RHBDF2: variants seen among roughly 807,000 people sequenced by gnomAD.
RHBDF2 encodes inactive rhomboid protein 2.
In RHBDF2, 38 loss-of-function variants were observed where a neutral mutation model predicts 95.2. That is an observed-to-expected ratio of 0.40 (90% confidence interval 0.31 to 0.52). The LOEUF is 0.52. Among genes scored for constraint, RHBDF2 ranks in the 20% least tolerant of loss-of-function variants. The probability of loss-of-function intolerance (pLI) is 0.56; values close to 1 mark genes in which losing one functional copy is unlikely to be tolerated. For synonymous variants in RHBDF2, 442 were observed against 462.0 expected (o/e 0.96, Z 0.55); for missense variants, 863 against 1,137.7 (o/e 0.76, Z 3.47).
chr17:76,490,830 T>C (rs2074277433), intron 1 of RHBDF2, among the ~76,000 whole-genome samples: 1 of 152,146 alleles, frequency 6.6e-6, no homozygotes, highest in African/African-American at 2.4e-5. Flanking sequence ...CAAGCCCTAC[T>C]AGGAAAGTAA....
intron 1 of RHBDF2, among the ~76,000 whole-genome samples, chr17:76,495,262 G>T (rs1208702245): frequency 6.6e-6 from 1 of 152,228 alleles, no homozygotes; most frequent in African/African-American, 2.4e-5. Flanking sequence ...CCTGCTGGAG[G>T]CTCCTTGACA....
intron 1 of RHBDF2, among the ~76,000 whole-genome samples, chr17:76,496,431 T>C (rs1373312099): frequency 1.3e-5 from 2 of 152,212 alleles, no homozygotes; most frequent in Non-Finnish European, 2.9e-5. Context: ...CTCCACACTC[T>C]GCAGCCTCTT....
chr17:76,489,682 C>T (rs558648461), intron 1 of RHBDF2, among the ~76,000 whole-genome samples: 86 of 131,886 alleles, frequency 6.5e-4, no homozygotes, highest in Non-Finnish European at 1.1e-3. Flanking sequence ...CCCAAGATGC[C>T]GGAAGCCCTC....
At chr17:76,477,888 C>A in intron 6 of RHBDF2, 103 bp from the exon 7 acceptor site, 1 of 1,507,622 alleles carries the variant, frequency 6.6e-7, no homozygotes, top group Non-Finnish European at 8.9e-7. Context: ...CTGCAGGCAG[C>A]GCCTTGGGAG....
Position 76,479,099 on chromosome 17 carries a change from G to T in RHBDF2, c.451C>A (p.Pro151Thr), listed in dbSNP as rs943608386. The change falls in exon 5 of 19, where the codon CCC (proline) becomes ACC (threonine). Residue 151 changes from proline to threonine, a missense_variant. Pro to Thr is a conservative substitution (Grantham distance 38). This residue lies in a region of RHBDF2 where 611 missense variants were observed against 725.5 expected (regional missense o/e 0.84). Transcript: ENST00000675367. Reference protein sequence around the residue: ...PSFQGTESPKPCKMPKIVDPL... With the variant: ...PSFQGTESPKTCKMPKIVDPL... The stretch of plus-strand genomic sequence containing the variant: ...GATCCCACCTTGGGCATCTTGCAGG[G>T]CTTTGGGGACTCAGTGCCCTGGAAG... 6.8e-6 allele frequency: 11 copies of T among 1,613,534 alleles called. No individual in the cohort carries two copies. The highest frequency in any genetic ancestry group is 1.3e-5 in the African/African-American group (1 of 74,946).
rs1205740323 is a variant in RHBDF2, at chr17:76,477,510, C to CT, written c.801+146_801+147insA. On this transcript the variant is annotated intron_variant, in intron 7 of 18. Coordinates refer to ENST00000675367, the MANE Select transcript of RHBDF2 (RefSeq NM_001005498.4). Reference sequence around the variant, plus strand: ...CCTACCCAACAGAAAGATGGGGGCCCAGCAGCTCCACATAGGACCATGCCA... The same window carrying CT: ...CCTACCCAACAGAAAGATGGGGGCCCTAGCAGCTCCACATAGGACCATGCCA... The CT allele has an allele frequency of 1.5e-5, 15 of 1,027,820 alleles. No homozygotes were observed. In the East Asian group the frequency reaches 3.4e-4, roughly 23 times the overall value. The allele number at this position is 1,027,820 out of a possible 1,614,324, so 63.7% of individuals were successfully genotyped here.
At position 76,471,879 on chromosome 17, in the gene RHBDF2, G is replaced by A. The variant is rs762521514; in HGVS notation, c.2238C>T (p.Phe746=). Reference sequence around the variant, plus strand: ...CCAGCAGCAGGCCACTGAGGAAGCCGAAGATGTGGGCGATGTTGTCGATCC... The same window carrying A: ...CCAGCAGCAGGCCACTGAGGAAGCCAAAGATGTGGGCGATGTTGTCGATCC... ...LPWIDNIAHI[F]GFLSGLLLAF... is the part of the protein sequence containing the mutation. The change falls in exon 19 of 19, where the codon TTC becomes TTT. Residue 746 remains phenylalanine (F), a synonymous_variant. Coordinates refer to ENST00000675367, the MANE Select transcript of RHBDF2 (RefSeq NM_001005498.4). 2.5e-5 allele frequency: 40 copies of A among 1,584,966 alleles called. No individual in the cohort carries two copies. Among genetic ancestry groups the A allele is most frequent in the Non-Finnish European group, 3.1e-5 (36 of 1,165,604 alleles).
rs967388715 is a variant in RHBDF2, at chr17:76,501,375, G to C, written c.-242C>G. On this transcript the variant is annotated 5_prime_UTR_variant, in exon 1 of 19. Coordinates refer to ENST00000675367, the MANE Select transcript of RHBDF2 (RefSeq NM_001005498.4). ...CACCTCCCTGCGGCCCCAAGTCCCCGGGACGCAACTCCGTGCGGCGCCTGC... is the reference window on the plus strand; with the variant it reads ...CACCTCCCTGCGGCCCCAAGTCCCCCGGACGCAACTCCGTGCGGCGCCTGC... 1 of 152,166 alleles carries C rather than the reference G, an allele frequency of 6.6e-6. No homozygotes were observed. The highest frequency in any genetic ancestry group is 2.4e-5 in the African/African-American group (1 of 41,430). The allele number at this position is 152,166 out of a possible 1,614,324, so 9.4% of individuals were successfully genotyped here. A position where few individuals can be genotyped will look rare whatever the true frequency, so the allele number is the denominator to read the frequency against.
chr17:76,485,368 G>A (rs1335542860), intron 2 of RHBDF2, among the ~76,000 whole-genome samples: 1 of 137,816 alleles, frequency 7.3e-6, no homozygotes, highest in Non-Finnish European at 1.5e-5. Context: ...CCGAAATCTC[G>A]CCATTGCACT....
intron 1 of RHBDF2, among the ~76,000 whole-genome samples, chr17:76,489,716 C>A (rs921163428): frequency 2.0e-5 from 3 of 152,244 alleles, no homozygotes; most frequent in Non-Finnish European, 4.4e-5. Flanking sequence ...GGATTTAAGT[C>A]CTTAACTGTG....
At chr17:76,499,640 C>T (rs1040942272) in intron 1 of RHBDF2, among the ~76,000 whole-genome samples, 3 of 152,160 alleles carry the variant, frequency 2.0e-5, no homozygotes, top group African/African-American at 7.2e-5. Flanking sequence ...AGCCCTGATA[C>T]TCCTTGGATG....
chr17:76,477,876 G>A (rs78357435), intron 6 of RHBDF2, 91 bp from the exon 7 acceptor site: 48,822 of 1,541,088 alleles, frequency 0.032, 1,969 homozygotes, highest in South Asian at 0.12. Context: ...AAGCCCATCC[G>A]CCTGCAGGCA....
chr17:76,492,166 G>A (rs2074316926), intron 1 of RHBDF2, among the ~76,000 whole-genome samples: 1 of 152,206 alleles, frequency 6.6e-6, no homozygotes, highest in South Asian at 2.1e-4. Flanking sequence ...GGCTTAGGGT[G>A]GGACAGACTC....
intron 1 of RHBDF2, among the ~76,000 whole-genome samples, chr17:76,499,270 G>C (rs2144498239): frequency 6.6e-6 from 1 of 152,312 alleles, no homozygotes; most frequent in South Asian, 2.1e-4. Flanking sequence ...AACAGGATGG[G>C]TATAATGGCT....
At chr17:76,485,198 G>A (rs567977039) in intron 2 of RHBDF2, among the ~76,000 whole-genome samples, 28 of 151,914 alleles carry the variant, frequency 1.8e-4, no homozygotes, top group East Asian at 3.9e-4. Context: ...ACCTGAGGTC[G>A]GGAGTTCGAG....
intron 3 of RHBDF2, among the ~76,000 whole-genome samples, chr17:76,480,478 A>G (rs1215548195): frequency 2.0e-5 from 3 of 151,938 alleles, no homozygotes; most frequent in Non-Finnish European, 4.4e-5. Context: ...TCGACCTCCC[A>G]GGCTCAAGCA....
chr17:76,474,514 C>G lies in RHBDF2; in HGVS notation c.1323G>C (p.Gly441=), dbSNP rs1472168214. The change falls in exon 12 of 19, where the codon GGG becomes GGC. Residue 441 remains glycine (G), a synonymous_variant. Coordinates refer to ENST00000675367, the MANE Select transcript of RHBDF2 (RefSeq NM_001005498.4). ...TCCGGATGCAGGGTGAGAACTTGGC[C>G]CCCAGGTGGATCAGGTCAATCTGGG... is the stretch of plus-strand genomic sequence containing the variant. ...GPSSIDLIHL[G]AKFSPCIRKD... The G allele has an allele frequency of 1.2e-6, 2 of 1,614,152 alleles. No homozygotes were observed. Among genetic ancestry groups the G allele is most frequent in the South Asian group, 2.2e-5 (2 of 91,088 alleles).
chr17:76,474,497 C>T lies in RHBDF2; in HGVS notation c.1340G>A (p.Cys447Tyr). ...LIHLGAKFSPCIRKDGQIEQL... is the reference protein window; with the variant it reads ...LIHLGAKFSPYIRKDGQIEQL... The stretch of plus-strand genomic sequence containing the variant: ...CTCGATCTGCCCGTCCTTCCGGATG[C>T]AGGGTGAGAACTTGGCCCCCAGGTG... The change falls in exon 12 of 19, where the codon TGC (cysteine) becomes TAC (tyrosine). Residue 447 changes from cysteine to tyrosine, a missense_variant. This residue lies in a region of RHBDF2 where 611 missense variants were observed against 725.5 expected (regional missense o/e 0.84). Transcript: ENST00000675367. 1 of 1,614,174 alleles carries T rather than the reference C, an allele frequency of 6.2e-7. No individual in the cohort carries two copies. Among genetic ancestry groups the T allele is most frequent in the Non-Finnish European group, 8.5e-7 (1 of 1,180,016 alleles).
intron 1 of RHBDF2, among the ~76,000 whole-genome samples, chr17:76,500,734 C>T (rs2074556544): frequency 6.6e-6 from 1 of 152,220 alleles, no homozygotes; most frequent in Admixed American, 6.5e-5. Flanking sequence ...CCTGGGGGAA[C>T]ATCCGAGGGG....
Sources: allele counts gnomAD v4.1 joint callset (sites outside exome capture counted in the v4.1 genomes callset), GRCh38; gene constraint gnomAD v4.1.1; regional missense constraint gnomAD v4.1.1; transcripts MANE v1.5; gene names NCBI Gene and HGNC (gene_info 2026-07-23, HGNC 2026-07-21).